Variants in AP5Z1 observed in about 807,000 individuals in gnomAD.
The protein encoded by AP5Z1 is AP-5 complex subunit zeta-1.
Under a neutral mutation model 83.0 loss-of-function variants are expected in AP5Z1, and 106 were observed. The ratio of observed to expected loss-of-function variants is 1.28; its 90% CI spans 1.09 to 1.50. The LOEUF is 1.50. Ranked by LOEUF, AP5Z1 falls within the 40% of genes most tolerant of loss-of-function variation. AP5Z1 has a pLI of 0.00. For missense variants in AP5Z1, 1,565 were observed against 1,094.2 expected, an observed-to-expected ratio of 1.43 and a Z score of -6.07; for synonymous variants, 751 against 514.1, an observed-to-expected ratio of 1.46 and a Z score of -6.23.
intron 13 of AP5Z1, chr7:4,789,170 T>TC (rs1319166781): frequency 1.0e-5 from 5 of 486,922 alleles, no homozygotes; most frequent in African/African-American, 2.0e-5. Flanking sequence ...CGTTCCCCAG[T>TC]CCCCGTCCCA....
chr7:4,789,422 A>C (rs572903154), intron 13 of AP5Z1, among the ~76,000 whole-genome samples: 21 of 151,956 alleles, frequency 1.4e-4, no homozygotes, highest in Non-Finnish European at 2.5e-4. Flanking sequence ...AAAGGCTCCC[A>C]CAGGCTGGTG....
chr7:4,788,356 G>A, intron 12 of AP5Z1, 62 bp downstream of exon 12: 1 of 1,500,176 alleles, frequency 6.7e-7, no homozygotes, highest in African/African-American at 1.4e-5. Context: ...CAGCCACTGG[G>A]GTGGGGCTCA....
intron 13 of AP5Z1, chr7:4,789,169 G>T (rs1399971647): frequency 2.0e-6 from 1 of 505,282 alleles, no homozygotes; most frequent in Non-Finnish European, 3.5e-6. Flanking sequence ...CCGTTCCCCA[G>T]TCCCCGTCCC....
chr7:4,785,666 C>A lies in AP5Z1; in HGVS notation c.1114C>A (p.His372Asn). Residue 372 changes from histidine (H) to asparagine (N), a missense_variant, in exon 9 of 17, where the codon CAC becomes AAC. Physicochemically the swap from His to Asn is moderately conservative, Grantham distance 68. Transcript: ENST00000649063. ...TGTGCGGGTGCTGCTGCCCCTCGCC[C>A]ACTTCTTCCTGAGCCACGGTGAGCC... Reference protein sequence around the residue: ...ASVRVLLPLAHFFLSHGEAAA... With the variant: ...ASVRVLLPLANFFLSHGEAAA... 1 of 1,542,146 alleles carries A rather than the reference C, an allele frequency of 6.5e-7. No homozygotes were observed. The highest frequency in any genetic ancestry group is 8.7e-7 in the Non-Finnish European group (1 of 1,144,042).
chr7:4,783,029 C>T (rs547353779), intron 3 of AP5Z1, among the ~76,000 whole-genome samples: 6 of 152,328 alleles, frequency 3.9e-5, no homozygotes, highest in Admixed American at 6.5e-5. Flanking sequence ...CCTGTGTCTG[C>T]GGCCAGGGCC....
chr7:4,782,312 A>G (rs966509912), intron 3 of AP5Z1, among the ~76,000 whole-genome samples: 1 of 152,096 alleles, frequency 6.6e-6, no homozygotes, highest in African/African-American at 2.4e-5. Context: ...CTCCTTGGCC[A>G]GGAGTTTTTG....
In AP5Z1 at chr7:4,792,184, A is replaced by C. The variant is rs1781799788; in HGVS notation, c.*799A>C. On this transcript the variant is annotated 3_prime_UTR_variant, in exon 17 of 17. Coordinates refer to ENST00000649063, the MANE Select transcript of AP5Z1 (RefSeq NM_014855.3). ...CCACCTTCCTGGGCCCTGTGGTCCC[A>C]CCCTCCGGACTACCAAGGCACAGCT... 6.6e-6 allele frequency: 1 copy of C among 151,828 alleles called. No homozygotes were observed. The highest frequency in any genetic ancestry group is 1.5e-5 in the Non-Finnish European group (1 of 67,968). The allele number at this position is 151,828 out of a possible 1,614,324, so 9.4% of individuals were successfully genotyped here. A position where few individuals can be genotyped will look rare whatever the true frequency, so the allele number is the denominator to read the frequency against.
rs1781825326 is a variant in AP5Z1, at chr7:4,792,746, G to A, written c.*1361G>A. On this transcript the variant is annotated 3_prime_UTR_variant, in exon 17 of 17. Transcript: ENST00000649063. ...CTTCCGTCGGCAGCACTGTGTTTGT[G>A]TTTCCACGTGGAAACAGCAGCGCAC... 6.6e-6 allele frequency: 1 copy of A among 152,278 alleles called. No individual in the cohort carries two copies. The highest frequency in any genetic ancestry group is 1.5e-5 in the Non-Finnish European group (1 of 68,064). The allele number at this position is 152,278 out of a possible 1,614,324, so 9.4% of individuals were successfully genotyped here. A position where few individuals can be genotyped will look rare whatever the true frequency, so the allele number is the denominator to read the frequency against.
In AP5Z1 at chr7:4,781,250, G is replaced by A. The variant is rs527642993; in HGVS notation, c.117G>A (p.Pro39=). The part of the protein sequence containing the change: ...CKLLQAEDLG[P]DTLDSLQRLF... ...TGCTGCAGGCGGAGGACTTGGGGCC[G>A]GACACCCTCGACTCCCTGCAGAGGC... Residue 39 remains proline, a synonymous_variant, in exon 2 of 17, where the codon CCG becomes CCA. Coordinates refer to ENST00000649063, the MANE Select transcript of AP5Z1 (RefSeq NM_014855.3). 1.3e-5 allele frequency: 21 copies of A among 1,613,818 alleles called. No individual in the cohort carries two copies. The highest frequency in any genetic ancestry group is 6.7e-5 in the Admixed American group (4 of 60,010).
intron 1 of AP5Z1, 75 bp from the exon 2 acceptor site, chr7:4,781,100 T>C (rs1260981378): frequency 6.5e-7 from 1 of 1,541,684 alleles, no homozygotes; most frequent in Non-Finnish European, 8.8e-7. Flanking sequence ...GGATTTTCCC[T>C]GCTCCAAGGG....
chr7:4,783,849 C>G (rs936522764), intron 5 of AP5Z1, 51 bp downstream of exon 5: 1 of 1,506,902 alleles, frequency 6.6e-7, no homozygotes, highest in African/African-American at 1.4e-5. Flanking sequence ...ACAGACAACC[C>G]CTCCCTGAGA....
At position 4,793,398 on chromosome 7, in the gene AP5Z1, C is replaced by T. The variant is rs191668940; in HGVS notation, c.*2013C>T. On this transcript the variant is annotated 3_prime_UTR_variant, in exon 17 of 17. Transcript: ENST00000649063. ...CCTCACAGCCCTCGCTCGCTCTTGG[C>T]GCCTCCTCTGCCTGGGCTCCCACTT... The T allele has an allele frequency of 3.5e-3, 530 of 152,746 alleles. 3 individuals are homozygous for T. The highest frequency in any genetic ancestry group is 0.012 in the African/African-American group (480 of 41,608). The allele number at this position is 152,746 out of a possible 1,614,324, so 9.5% of individuals were successfully genotyped here.
At chr7:4,779,770 A>C (rs1269811805) in intron 1 of AP5Z1, among the ~76,000 whole-genome samples, 1 of 151,832 alleles carries the variant, frequency 6.6e-6, no homozygotes, top group Non-Finnish European at 1.5e-5. Context: ...CCTCCTGAGT[A>C]GCTGGGATTA....
intron 3 of AP5Z1, among the ~76,000 whole-genome samples, chr7:4,782,743 C>G (rs1781414631): frequency 6.6e-6 from 1 of 151,864 alleles, no homozygotes. Flanking sequence ...ATGACTCCGG[C>G]TCTTCTTGTT....
At chr7:4,782,252 C>G (rs906375657) in intron 3 of AP5Z1, among the ~76,000 whole-genome samples, 4 of 152,116 alleles carry the variant, frequency 2.6e-5, no homozygotes, top group African/African-American at 7.2e-5. Flanking sequence ...CCTGGGGTCT[C>G]ACTATGTTGC....
rs757646905 is a variant in AP5Z1 at position 4,785,508 on chromosome 7, T to C, written c.970-14T>C. 4.3e-6 allele frequency: 7 copies of C among 1,613,384 alleles called. No homozygotes were observed. Among genetic ancestry groups the C allele is most frequent in the Non-Finnish European group, 5.1e-6 (6 of 1,179,754 alleles). ...CAGCGACTCGGCCCATTTGATGTGG[T>C]CCATGTCCCGCAGTGCCTGGTGGAG... On this transcript the variant is annotated splice_polypyrimidine_tract_variant and intron_variant, in intron 8 of 16. Coordinates refer to ENST00000649063, the MANE Select transcript of AP5Z1 (RefSeq NM_014855.3).
intron 14 of AP5Z1, 49 bp downstream of exon 14, chr7:4,789,978 G>C (rs747795410): frequency 1.4e-6 from 2 of 1,418,462 alleles, no homozygotes; most frequent in South Asian, 2.8e-5. Context: ...GTGCCTCCTG[G>C]ACTCCTCCCC....
chr7:4,779,319 A>G (rs552874092), intron 1 of AP5Z1, among the ~76,000 whole-genome samples: 5 of 135,632 alleles, frequency 3.7e-5, no homozygotes, highest in African/African-American at 1.3e-4. Flanking sequence ...TATATAACAT[A>G]ACACGTTATA....
rs1562406938 is a variant in AP5Z1 at position 4,784,284 on chromosome 7, GA to G, written c.704del (p.Asp235AlafsTer4). The stretch of plus-strand genomic sequence containing the variant: ...CTCCAGCGGCCACCGCTTCACAGAC[GA>G]CCAGTGGCTGAACGTGCAGGCCTTC... ...VLSSGHRFTDDQWLNVQAFSM... is the reference protein window; with the variant it reads ...VLSSGHRFTDXQWLNVQAFSM... On this transcript the variant is annotated frameshift_variant, in exon 6 of 17. Coordinates refer to ENST00000649063, the MANE Select transcript of AP5Z1 (RefSeq NM_014855.3). LOFTEE classifies it high-confidence loss of function. 6.2e-7 allele frequency: 1 copy of G among 1,600,024 alleles called. No homozygotes were observed.
Sources: allele counts gnomAD v4.1 joint callset (sites outside exome capture counted in the v4.1 genomes callset), GRCh38; gene constraint gnomAD v4.1.1; transcripts MANE v1.5; gene names NCBI Gene and HGNC (gene_info 2026-07-23, HGNC 2026-07-21).